TBC1D31: variants seen among roughly 807,000 people sequenced by gnomAD.
TBC1D31 encodes WD repeat domain 67.
Under a neutral mutation model 132.9 loss-of-function variants are expected in TBC1D31, and 99 were observed. The observed-to-expected ratio is 0.74, with a 90% CI of 0.63 to 0.88. The LOEUF is 0.88. Among genes scored for constraint, TBC1D31 ranks in the 40% least tolerant of loss-of-function variants. TBC1D31 has a pLI of 0.00. For synonymous variants in TBC1D31, 385 were observed against 419.4 expected, an observed-to-expected ratio of 0.92 and a Z score of 1.00; for missense variants, 1,134 against 1,256.6, an observed-to-expected ratio of 0.90 and a Z score of 1.48.
chr8:123,086,316 C>T (rs1254504876), intron 4 of TBC1D31, among the ~76,000 whole-genome samples: 2 of 152,184 alleles, frequency 1.3e-5, no homozygotes, highest in South Asian at 2.1e-4. Flanking sequence ...GTATTAAGAA[C>T]TTTCCATACA....
chr8:123,073,620 C>T (rs565268092), intron 1 of TBC1D31, among the ~76,000 whole-genome samples: 55 of 152,284 alleles, frequency 3.6e-4, no homozygotes, highest in African/African-American at 1.3e-3. Flanking sequence ...TCTTATTGCT[C>T]CTAATTCCCT....
At chr8:123,128,579 A>G in intron 14 of TBC1D31, 66 bp downstream of exon 14, 1 of 1,288,388 alleles carries the variant, frequency 7.8e-7, no homozygotes, top group Non-Finnish European at 1.1e-6. Flanking sequence ...AGAAAGTTTT[A>G]ATGAAAAATA....
At chr8:123,152,602 G>A (rs1266737414), downstream of TBC1D31, among the ~76,000 whole-genome samples, 1 of 152,190 alleles carries the variant, frequency 6.6e-6, no homozygotes, top group Non-Finnish European at 1.5e-5. Flanking sequence ...CAGACGTGGT[G>A]GCTCACACCT....
rs776291498 is a variant in TBC1D31 at position 123,084,149 on chromosome 8, C to G, written c.341-13C>G. 1 of 1,612,028 alleles carries G rather than the reference C, an allele frequency of 6.2e-7. No individual in the cohort carries two copies. The highest frequency in any genetic ancestry group is 1.7e-5 in the Admixed American group (1 of 59,880). On this transcript the variant is annotated splice_polypyrimidine_tract_variant and intron_variant, in intron 3 of 21. Transcript: ENST00000287380. ...GTGTTTTACCTGGGTAACAATTTTA[C>G]TTTTTACCACAGTCACCAAGGAGCT...
chr8:123,089,031 G>A (rs1816070778), intron 4 of TBC1D31, among the ~76,000 whole-genome samples: 1 of 152,124 alleles, frequency 6.6e-6, no homozygotes, highest in South Asian at 2.1e-4. Context: ...AAACAATACA[G>A]GTTGAGGATT....
At chr8:123,146,487 T>G (rs1020695741) in intron 20 of TBC1D31, among the ~76,000 whole-genome samples, 2 of 152,252 alleles carry the variant, frequency 1.3e-5, no homozygotes, top group African/African-American at 4.8e-5. Context: ...TGTTGTAGCA[T>G]GTACCAGTAC....
In TBC1D31 at chr8:123,130,302, T is replaced by C. The variant is rs761735380; in HGVS notation, c.2375T>C (p.Leu792Pro). The change falls in exon 16 of 22, where the codon CTA (leucine) becomes CCA (proline). Residue 792 changes from leucine to proline, a missense_variant. By Grantham distance (98) the Leu-to-Pro change is moderately conservative. Coordinates refer to ENST00000287380, the MANE Select transcript of TBC1D31 (RefSeq NM_145647.4). ...KLQQDQQEME[L>P]RRLDDEIGRK... ...CAGCAAGATCAACAGGAAATGGAACTAAGAAGACTGGATGATGAAATTGGG... is the reference window on the plus strand; with the variant it reads ...CAGCAAGATCAACAGGAAATGGAACCAAGAAGACTGGATGATGAAATTGGG... 6.2e-7 allele frequency: 1 copy of C among 1,612,626 alleles called. No homozygotes were observed. Among genetic ancestry groups the C allele is most frequent in the Non-Finnish European group, 8.5e-7 (1 of 1,179,320 alleles).
At chr8:123,094,515 A>ATTTATTTG (rs1816662072) in intron 5 of TBC1D31, among the ~76,000 whole-genome samples, 3 of 72,522 alleles carry the variant, frequency 4.1e-5, no homozygotes, top group Admixed American at 1.6e-4. Context: ...CACTTTATTT[A>ATTTATTTG]TTTATTTATT....
chr8:123,122,170 C>T (rs1297092325), intron 11 of TBC1D31, among the ~76,000 whole-genome samples: 1 of 152,176 alleles, frequency 6.6e-6, no homozygotes, highest in Non-Finnish European at 1.5e-5. Context: ...TACCGTATAA[C>T]CCAACCATTT....
chr8:123,158,397 G>C, the TBC1D31 span, among the ~76,000 whole-genome samples: 1 of 152,152 alleles, frequency 6.6e-6, no homozygotes, highest in African/African-American at 2.4e-5. Context: ...AGGAAATTGA[G>C]ACAGAACTCT....
chr8:123,136,706 C>A (rs1254910117), intron 17 of TBC1D31, among the ~76,000 whole-genome samples: 1 of 152,168 alleles, frequency 6.6e-6, no homozygotes, highest in Non-Finnish European at 1.5e-5. Context: ...CCGCCTCGGC[C>A]TCCCAAAAGC....
At chr8:123,157,332 C>T in the TBC1D31 span, among the ~76,000 whole-genome samples, 2 of 152,154 alleles carry the variant, frequency 1.3e-5, no homozygotes, top group Non-Finnish European at 2.9e-5. Flanking sequence ...ACGGATCATT[C>T]TGAGGCTATA....
At chr8:123,099,201 GC>G (rs1255239323) in intron 6 of TBC1D31, among the ~76,000 whole-genome samples, 5 of 151,954 alleles carry the variant, frequency 3.3e-5, no homozygotes, top group Admixed American at 6.6e-5. Context: ...CTCACTGCAA[GC>G]TCCGCCTCCC....
intron 17 of TBC1D31, 65 bp downstream of exon 17, chr8:123,134,271 G>T: frequency 7.9e-7 from 1 of 1,262,432 alleles, no homozygotes; most frequent in South Asian, 1.2e-5. Context: ...GCTCAAACCT[G>T]TAATCCCAGC....
intron 6 of TBC1D31, chr8:123,097,881 T>C (rs1344135252): frequency 6.5e-6 from 1 of 152,684 alleles, no homozygotes; most frequent in Non-Finnish European, 1.5e-5. Flanking sequence ...ATTTTATTTA[T>C]CTTAACTGGT....
chr8:123,084,250 A>G lies in TBC1D31; in HGVS notation c.429A>G (p.Thr143=), dbSNP rs142043950. 3.3e-4 allele frequency: 536 copies of G among 1,614,194 alleles called. 1 individual carries two copies. In the African/African-American group the frequency reaches 6.3e-3, roughly 19 times the overall value. ...SVHASGKYAI[T]TSSDTAQLWD... ...ATGCATCAGGGAAATATGCCATCAC[A>G]ACTTCTTCTGATACAGCACAATTAT... Residue 143 remains threonine, a synonymous_variant, in exon 4 of 22, where the codon ACA becomes ACG. Transcript: ENST00000287380.
Position 123,128,523 on chromosome 8 carries a change from G to A in TBC1D31, c.2117+10G>A. 6.5e-7 allele frequency: 1 copy of A among 1,537,034 alleles called. No homozygotes were observed. Among genetic ancestry groups the A allele is most frequent in the South Asian group, 1.1e-5 (1 of 88,218 alleles). On this transcript the variant is annotated intron_variant, in intron 14 of 21. Transcript: ENST00000287380. ...ATTACTTAAGAGAGAGGTAATTATG[G>A]AATAGTTTTTCTTTTTCTGATACAA...
At chr8:123,140,649 A>G (rs1446827729) in intron 17 of TBC1D31, 112 bp from the exon 18 acceptor site, 1 of 897,522 alleles carries the variant, frequency 1.1e-6, no homozygotes, top group Admixed American at 3.1e-5. Context: ...TACTTTGAAA[A>G]TTAGATGATT....
intron 11 of TBC1D31, among the ~76,000 whole-genome samples, chr8:123,121,608 C>T (rs1024721350): frequency 1.3e-5 from 2 of 152,108 alleles, no homozygotes; most frequent in Non-Finnish European, 2.9e-5. Flanking sequence ...TGCTCTCGTT[C>T]CTGCCCTCTT....
Sources: gnomAD v4.1 joint callset for allele counts (sites outside exome capture counted in the v4.1 genomes callset) on GRCh38, gnomAD v4.1.1 for gene constraint, MANE v1.5 for transcripts, NCBI Gene and HGNC (gene_info 2026-07-23, HGNC 2026-07-21) for gene names.